Variants in HINT1 observed in about 807,000 individuals in gnomAD.
HINT1 encodes the protein adenosine 5'-monophosphoramidase HINT1.
In HINT1, 12 loss-of-function variants were observed where a neutral mutation model predicts 11.2. The observed-to-expected ratio is 1.07, with a 90% CI of 0.69 to 1.74. The LOEUF (loss-of-function observed/expected upper bound fraction) is 1.74, where lower values mean the gene tolerates loss of function less well. HINT1 is among the 40% of genes most tolerant of loss of function. HINT1 has a pLI of 0.00. For missense variants in HINT1, 150 were observed against 161.8 expected (o/e 0.93, Z 0.40); for synonymous variants, 42 against 52.6 (o/e 0.80, Z 0.87).
rs566872520 is a variant in HINT1 at position 131,159,090 on chromosome 5, C to T, written c.*357G>A. 1.6e-4 allele frequency: 26 copies of T among 161,380 alleles called. No individual in the cohort carries two copies. The highest frequency in any genetic ancestry group is 6.3e-5 in the Admixed American group (1 of 15,882). The allele number at this position is 161,380 out of a possible 1,614,324, so 10.0% of individuals were successfully genotyped here. On this transcript the variant is annotated 3_prime_UTR_variant, in exon 3 of 3. Coordinates refer to ENST00000304043, the MANE Select transcript of HINT1 (RefSeq NM_005340.7). ...CCTATTTTAGCCTGGAAAGATATTT[C>T]GAAGTTAAAGCTAAATTTATAAACT...
intron 1 of HINT1, 100 bp downstream of exon 1, chr5:131,164,995 C>T (rs1333386731): frequency 6.5e-7 from 1 of 1,541,188 alleles, no homozygotes; most frequent in Non-Finnish European, 8.8e-7. Flanking sequence ...CCTCCCGTCG[C>T]CGCTACACTC....
chr5:131,162,085 G>A, intron 2 of HINT1: 1 of 289,194 alleles, frequency 3.5e-6, no homozygotes, highest in South Asian at 6.7e-5. Context: ...CAGCACTTTG[G>A]GAGGCCGAGG....
chr5:131,162,151 C>T (rs960041997), intron 2 of HINT1: 6 of 465,298 alleles, frequency 1.3e-5, no homozygotes, highest in African/African-American at 5.9e-5. Context: ...TGGTGAAAGC[C>T]GTCTCTACTA....
chr5:131,164,928 G>A (rs1253741812), intron 1 of HINT1, 167 bp downstream of exon 1: 1 of 896,824 alleles, frequency 1.1e-6, no homozygotes, highest in East Asian at 3.1e-5. Flanking sequence ...GGCCGCCTCG[G>A]AGTGCCCGGG....
intron 1 of HINT1, 99 bp from the exon 2 acceptor site, chr5:131,162,775 G>A (rs1424226750): frequency 1.7e-5 from 12 of 717,696 alleles, no homozygotes; most frequent in Non-Finnish European, 1.9e-5. Flanking sequence ...ACTACATGGA[G>A]GGCACTAGAT....
chr5:131,164,864 T>G (rs773847241), intron 1 of HINT1, among the ~76,000 whole-genome samples: 31 of 151,474 alleles, frequency 2.0e-4, no homozygotes, highest in Non-Finnish European at 3.7e-4. Context: ...CCCGGCGGCC[T>G]GGCCCGCGCC....
chr5:131,159,463 T>A lies in HINT1; in HGVS notation c.365A>T (p.His122Leu), dbSNP rs780156681. ...HLHVLGGRQM[H>L]WPPG ...AAAACGTGCTTAACCAGGAGGCCAA[T>A]GCATTTGCCGACCTCCAAGAACATG... The change falls in exon 3 of 3, where the codon CAT (histidine) becomes CTT (leucine). Residue 122 changes from histidine (H) to leucine (L), a missense_variant. His to Leu is a moderately conservative substitution (Grantham distance 99). Coordinates refer to ENST00000304043, the MANE Select transcript of HINT1 (RefSeq NM_005340.7). 75 of 1,612,040 alleles carry A rather than the reference T, an allele frequency of 4.7e-5. No individual in the cohort carries two copies. The highest frequency in any genetic ancestry group is 5.9e-5 in the Non-Finnish European group (70 of 1,179,836).
rs755979803 is a variant in HINT1, at chr5:131,159,551, C to A, written c.277G>T (p.Gly93Cys). 14 of 1,613,700 alleles carry A rather than the reference C, an allele frequency of 8.7e-6. No homozygotes were observed. The highest frequency in any genetic ancestry group is 1.2e-5 in the Non-Finnish European group (14 of 1,179,890). ...KCAADLGLNKGYRMVVNEGSD... is the reference protein window; with the variant it reads ...KCAADLGLNKCYRMVVNEGSD... ...CCTTCATTCACCACCATTCGATAAC[C>A]CTTATTCAGGCCCAGATCAGCAGCA... Residue 93 changes from glycine to cysteine, a missense_variant, in exon 3 of 3, where the codon GGT becomes TGT. Physicochemically the swap from Gly to Cys is radical, Grantham distance 159. Coordinates refer to ENST00000304043, the MANE Select transcript of HINT1 (RefSeq NM_005340.7).
At chr5:131,163,418 C>G (rs138765440) in intron 1 of HINT1, among the ~76,000 whole-genome samples, 259 of 152,244 alleles carry the variant, frequency 1.7e-3, no homozygotes, top group Middle Eastern at 0.014. Flanking sequence ...ATCCTCTCCC[C>G]CTCCAAACCC....
intron 2 of HINT1, among the ~76,000 whole-genome samples, chr5:131,161,456 G>A (rs931297505): frequency 2.6e-5 from 4 of 151,912 alleles, no homozygotes; most frequent in Non-Finnish European, 5.9e-5. Context: ...ATACAAATAA[G>A]CCAGGCGTGA....
In HINT1 at chr5:131,159,322, G is replaced by T; in HGVS notation, c.*125C>A. ...TGCAACAATGTCTTTTATTATGTAT[G>T]CGGTTTTAAAATTATTTCTTGAATC... On this transcript the variant is annotated 3_prime_UTR_variant, in exon 3 of 3. Coordinates refer to ENST00000304043, the MANE Select transcript of HINT1 (RefSeq NM_005340.7). The T allele has an allele frequency of 2.9e-6, 2 of 696,722 alleles. No homozygotes were observed. The highest frequency in any genetic ancestry group is 2.3e-5 in the South Asian group (1 of 43,202). 43.2% of individuals were successfully genotyped at this position (696,722 alleles called of 1,614,324 possible).
chr5:131,162,488 T>C, intron 2 of HINT1, 84 bp downstream of exon 2: 1 of 1,586,312 alleles, frequency 6.3e-7, no homozygotes, highest in South Asian at 1.1e-5. Context: ...CTTAGGAAGA[T>C]GAAAATGTGA....
chr5:131,164,963 C>T, intron 1 of HINT1, 132 bp downstream of exon 1: 4 of 1,343,582 alleles, frequency 3.0e-6, no homozygotes, highest in Non-Finnish European at 4.1e-6. Flanking sequence ...TGGGGGCCCG[C>T]TGGACCAGGG....
At chr5:131,160,624 T>C (rs1331976940) in intron 2 of HINT1, 11 of 895,282 alleles carry the variant, frequency 1.2e-5, no homozygotes, top group Non-Finnish European at 1.5e-5. Context: ...CCCATTACCT[T>C]ATTAAGCCCC....
In HINT1 at chr5:131,164,921, C is replaced by G. The variant is rs867670289; in HGVS notation, c.111+174G>C. The G allele has an allele frequency of 3.6e-4, 294 of 818,574 alleles. 1 individual carries two copies. The Middle Eastern group carries it at 6.9e-3, about 19-fold the overall frequency. The allele number at this position is 818,574 out of a possible 1,614,324, so 50.7% of individuals were successfully genotyped here. A position where few individuals can be genotyped will look rare whatever the true frequency, so the allele number is the denominator to read the frequency against. ...GGAGCGCCGGCACGCGCCGGCAGGC[C>G]GCCTCGGAGTGCCCGGGCCCTGTCC... is the stretch of plus-strand genomic sequence containing the variant. On this transcript the variant is annotated intron_variant, in intron 1 of 2. Coordinates refer to ENST00000304043, the MANE Select transcript of HINT1 (RefSeq NM_005340.7).
intron 1 of HINT1, among the ~76,000 whole-genome samples, chr5:131,164,441 G>A (rs976171101): frequency 6.6e-6 from 1 of 152,196 alleles, no homozygotes; most frequent in African/African-American, 2.4e-5. Context: ...TCCCAGACGC[G>A]GGCCCACTTC....
At chr5:131,161,543 C>T (rs923437900) in intron 2 of HINT1, among the ~76,000 whole-genome samples, 6 of 148,428 alleles carry the variant, frequency 4.0e-5, no homozygotes, top group South Asian at 2.1e-4. Flanking sequence ...TGCGGTGAGC[C>T]GAGATCGTGC....
At chr5:131,161,492 C>G (rs990175331) in intron 2 of HINT1, among the ~76,000 whole-genome samples, 27 of 151,106 alleles carry the variant, frequency 1.8e-4, no homozygotes, top group African/African-American at 6.6e-4. Flanking sequence ...CCCAGCTACT[C>G]AGGAGGGCAG....
In HINT1 at chr5:131,159,320, A is replaced by T; in HGVS notation, c.*127T>A. On this transcript the variant is annotated 3_prime_UTR_variant, in exon 3 of 3. Transcript: ENST00000304043. ...CATGCAACAATGTCTTTTATTATGT[A>T]TGCGGTTTTAAAATTATTTCTTGAA... The T allele has an allele frequency of 1.5e-6, 1 of 681,878 alleles. No individual in the cohort carries two copies. The highest frequency in any genetic ancestry group is 2.5e-6 in the Non-Finnish European group (1 of 407,176). 42.2% of individuals were successfully genotyped at this position (681,878 alleles called of 1,614,324 possible). A position where few individuals can be genotyped will look rare whatever the true frequency, so the allele number is the denominator to read the frequency against.
Sources: gnomAD v4.1 joint callset for allele counts (sites outside exome capture counted in the v4.1 genomes callset) on GRCh38, gnomAD v4.1.1 for gene constraint, MANE v1.5 for transcripts, NCBI Gene and HGNC (gene_info 2026-07-23, HGNC 2026-07-21) for gene names.